Variants in CHRM3 observed in about 807,000 individuals in gnomAD.
CHRM3 encodes cholinergic receptor muscarinic 3.
A neutral mutation model predicts 41.8 loss-of-function variants in CHRM3; 11 were observed. The observed-to-expected ratio is 0.26, with a 90% CI of 0.17 to 0.44. The LOEUF is 0.44. Ranked by LOEUF, CHRM3 falls within the 20% of genes least tolerant of loss-of-function variation. CHRM3 has a pLI of 1.00. For synonymous variants in CHRM3, 297 were observed against 301.4 expected (o/e 0.99, Z 0.15); for missense variants, 571 against 745.4 (o/e 0.77, Z 2.72).
At position 239,387,658 on chromosome 1, in the gene CHRM3, G is replaced by A. The variant is rs1417725521; in HGVS notation, c.-521+431G>A. ...GCTACTGGGCTCCGGGTGTGTTTGTGAGCGCACTCGTGTGTTGAGCGTTTG... is the reference window on the plus strand; with the variant it reads ...GCTACTGGGCTCCGGGTGTGTTTGTAAGCGCACTCGTGTGTTGAGCGTTTG... On this transcript the variant is annotated intron_variant, in intron 1 of 6. Coordinates refer to ENST00000676153, the MANE Select transcript of CHRM3 (RefSeq NM_001375978.1). This position sits in a 1 kb window ranked among gnomAD's most constrained non-coding sequence, Gnocchi z 5.1. 6.6e-6 allele frequency among the ~76,000 whole-genome samples: 1 copy of A among 152,110 alleles called. No individual in the cohort carries two copies. Among genetic ancestry groups the A allele is most frequent in the Non-Finnish European group, 1.5e-5 (1 of 68,012 alleles).
At chr1:239,752,193 A>G (rs1031781451) in intron 5 of CHRM3, among the ~76,000 whole-genome samples, 1 of 152,224 alleles carries the variant, frequency 6.6e-6, no homozygotes, top group Admixed American at 6.5e-5. Flanking sequence ...TTGTGGTCAG[A>G]CATGGAAGCA....
At chr1:239,791,063 A>C (rs546690382) in intron 5 of CHRM3, among the ~76,000 whole-genome samples, 266 of 151,506 alleles carry the variant, frequency 1.8e-3, no homozygotes, top group African/African-American at 5.4e-3. Flanking sequence ...AAAAAAAAAA[A>C]ACACACAAAA....
At chr1:239,723,339 T>C (rs1291914961) in intron 5 of CHRM3, among the ~76,000 whole-genome samples, 2 of 151,976 alleles carry the variant, frequency 1.3e-5, no homozygotes, top group African/African-American at 2.4e-5. Flanking sequence ...ATTATAGCTT[T>C]AATTTTTAAA....
intron 2 of CHRM3, among the ~76,000 whole-genome samples, chr1:239,534,159 C>A (rs1657969778): frequency 1.3e-5 from 2 of 152,318 alleles, no homozygotes; most frequent in East Asian, 1.9e-4. Context: ...CAAATGCCAT[C>A]TCTACTAAAA....
At chr1:239,490,557 T>G (rs2148059865) in intron 1 of CHRM3, among the ~76,000 whole-genome samples, 1 of 152,158 alleles carries the variant, frequency 6.6e-6, no homozygotes, top group South Asian at 2.1e-4. Context: ...GTTTCTTTTA[T>G]TAGTATTATT....
At chr1:239,618,572 C>G (rs183325858) in intron 3 of CHRM3, among the ~76,000 whole-genome samples, 6 of 151,846 alleles carry the variant, frequency 4.0e-5, no homozygotes, top group Admixed American at 2.6e-4. Flanking sequence ...TGGCCGGGCG[C>G]GGTGGCTCAC....
chr1:239,751,737 A>G (rs1457651929), intron 5 of CHRM3, among the ~76,000 whole-genome samples: 1 of 152,194 alleles, frequency 6.6e-6, no homozygotes, highest in East Asian at 1.9e-4. Flanking sequence ...AAGTTATTCA[A>G]GGAGCCTCAA....
At chr1:239,448,658 T>C (rs939066287) in intron 1 of CHRM3, among the ~76,000 whole-genome samples, 5 of 152,166 alleles carry the variant, frequency 3.3e-5, no homozygotes, top group Non-Finnish European at 5.9e-5. Flanking sequence ...TAAAATGATA[T>C]AATAACAGAT....
rs1172571933 is a variant in CHRM3 at position 239,794,383 on chromosome 1, TG to T, written c.-146-32868del. Among the ~76,000 whole-genome samples, 557 of 136,056 alleles carry T rather than the reference TG, an allele frequency of 4.1e-3. 7 individuals carry two copies. The highest frequency in any genetic ancestry group is 0.017 in the African/African-American group (526 of 30,234). The allele number at this position is 136,056 out of a possible 152,430, so 89.3% of individuals were successfully genotyped here. A position where few individuals can be genotyped will look rare whatever the true frequency, so the allele number is the denominator to read the frequency against. On this transcript the variant is annotated intron_variant, in intron 5 of 6. Transcript: ENST00000676153. ...TGCCTCTCCCACTTATTAATTCGTT[TG>T]TTGTTTTTTTTTTTTTTTTGTCTTT... is the stretch of plus-strand genomic sequence containing the variant.
At chr1:239,420,592 A>G (rs1047964379) in intron 1 of CHRM3, among the ~76,000 whole-genome samples, 1 of 152,188 alleles carries the variant, frequency 6.6e-6, no homozygotes, top group African/African-American at 2.4e-5. Flanking sequence ...GTATTTCATA[A>G]TAAGAAAGAG....
intron 5 of CHRM3, among the ~76,000 whole-genome samples, chr1:239,690,274 G>C (rs1241983487): frequency 2.0e-5 from 3 of 151,956 alleles, no homozygotes; most frequent in Non-Finnish European, 4.4e-5. Flanking sequence ...CACCAGGCTG[G>C]AGTGACGGGA....
chr1:239,408,070 A>C (rs1660750343), intron 1 of CHRM3: 1 of 151,960 alleles, frequency 6.6e-6, no homozygotes, highest in Admixed American at 6.6e-5. Flanking sequence ...GGTGAGAGGG[A>C]CCTGGTGGGA....
intron 5 of CHRM3, chr1:239,705,818 A>T (rs1661106801): frequency 6.6e-6 from 1 of 152,114 alleles, no homozygotes; most frequent in African/African-American, 2.4e-5. Context: ...TAAAGAATAG[A>T]GACATTATTC....
chr1:239,805,351 C>T (rs1042910190), intron 5 of CHRM3, among the ~76,000 whole-genome samples: 9 of 152,254 alleles, frequency 5.9e-5, no homozygotes, highest in African/African-American at 2.2e-4. Context: ...CCATTTCACT[C>T]GGGACCCTTC....
intron 2 of CHRM3, among the ~76,000 whole-genome samples, chr1:239,497,150 T>A (rs913757605): frequency 6.6e-6 from 1 of 152,184 alleles, no homozygotes; most frequent in African/African-American, 2.4e-5. Context: ...AGGATTAGCA[T>A]GGCCTTTCTT....
chr1:239,619,060 G>A (rs1198940550), intron 3 of CHRM3, among the ~76,000 whole-genome samples: 1 of 151,132 alleles, frequency 6.6e-6, no homozygotes, highest in Non-Finnish European at 1.5e-5. Flanking sequence ...AATTACAGGC[G>A]CCTGCCACCA....
intron 1 of CHRM3, among the ~76,000 whole-genome samples, chr1:239,403,278 T>C (rs1206764679): frequency 1.3e-5 from 2 of 152,200 alleles, no homozygotes; most frequent in Non-Finnish European, 1.5e-5. Context: ...TTATGTTTTA[T>C]TCACTGATCT....
intron 5 of CHRM3, among the ~76,000 whole-genome samples, chr1:239,810,053 C>T (rs191949103): frequency 8.5e-5 from 13 of 152,272 alleles, no homozygotes; most frequent in Admixed American, 6.5e-5. Context: ...AAGGAGGCCG[C>T]GTATGGAATG....
At chr1:239,608,125 T>TA (rs917137606) in intron 3 of CHRM3, among the ~76,000 whole-genome samples, 2 of 152,222 alleles carry the variant, frequency 1.3e-5, no homozygotes, top group Non-Finnish European at 2.9e-5. Context: ...ATAATAAATG[T>TA]AAAAAATTGC....
Sources: allele counts gnomAD v4.1 joint callset (sites outside exome capture counted in the v4.1 genomes callset), GRCh38; gene constraint gnomAD v4.1.1; non-coding constraint Gnocchi (gnomAD v3.1); transcripts MANE v1.5; gene names NCBI Gene and HGNC (gene_info 2026-07-23, HGNC 2026-07-21).